Variants in CSGALNACT1 observed in about 807,000 individuals in gnomAD.
The protein encoded by CSGALNACT1 is chondroitin sulfate N-acetylgalactosaminyltransferase 1, also known as beta4GalNAcT-1.
In CSGALNACT1, 52 loss-of-function variants were observed where a neutral mutation model predicts 51.0. That is an observed-to-expected ratio of 1.02 (90% confidence interval 0.82 to 1.29). The LOEUF is 1.29. Ranked by LOEUF, CSGALNACT1 falls within the 50% of genes most tolerant of loss-of-function variation. CSGALNACT1 has a pLI of 0.00. For synonymous variants in CSGALNACT1, 341 were observed against 254.4 expected (o/e 1.34, Z -3.24); for missense variants, 935 against 679.2 (o/e 1.38, Z -4.19).
intron 3 of CSGALNACT1, among the ~76,000 whole-genome samples, chr8:19,518,304 T>C (rs886180011): frequency 1.3e-5 from 2 of 152,158 alleles, no homozygotes; most frequent in East Asian, 3.8e-4. Flanking sequence ...GGAGTTTGCA[T>C]GGATGATTAA....
chr8:19,447,077 C>G (rs925874261), intron 5 of CSGALNACT1, among the ~76,000 whole-genome samples: 1 of 152,180 alleles, frequency 6.6e-6, no homozygotes, highest in African/African-American at 2.4e-5. Context: ...TGAATCTGCA[C>G]GCCTGCCCTG....
chr8:19,613,086 C>T (rs1485395742), intron 1 of CSGALNACT1, among the ~76,000 whole-genome samples: 1 of 143,720 alleles, frequency 7.0e-6, no homozygotes, highest in Non-Finnish European at 1.5e-5. Flanking sequence ...TCCAGAAAAA[C>T]ACTTCTCATG....
At chr8:19,667,043 GAA>G (rs1186297893) in intron 1 of CSGALNACT1, among the ~76,000 whole-genome samples, 1 of 53,860 alleles carries the variant, frequency 1.9e-5, no homozygotes, top group Non-Finnish European at 3.8e-5. Flanking sequence ...AAGGAAGGAA[GAA>G]AGAAAGAAAG....
chr8:19,472,719 G>C (rs1462811224), intron 4 of CSGALNACT1, among the ~76,000 whole-genome samples: 1 of 152,134 alleles, frequency 6.6e-6, no homozygotes, highest in African/African-American at 2.4e-5. Context: ...AGACTGACTT[G>C]AGAATAGAAA....
chr8:19,585,714 G>T (rs1394913224), intron 3 of CSGALNACT1, among the ~76,000 whole-genome samples: 1 of 152,180 alleles, frequency 6.6e-6, no homozygotes, highest in African/African-American at 2.4e-5. Context: ...GTTAGGCCAT[G>T]AGGTGTAAAA....
At chr8:19,448,426 C>A (rs56298301) in intron 5 of CSGALNACT1, among the ~76,000 whole-genome samples, 63,516 of 151,986 alleles carry the variant, frequency 0.42, 14,613 homozygotes, top group East Asian at 0.86. Flanking sequence ...GAGAAAATTT[C>A]TCAGTCCCAA....
intron 3 of CSGALNACT1, 39 bp from the exon 3 acceptor site, chr8:19,506,169 A>T (rs1337899327): frequency 1.9e-6 from 1 of 527,648 alleles, no homozygotes; most frequent in East Asian, 4.7e-5. Context: ...CTTAATCAAG[A>T]CAACGACTCC....
chr8:19,617,633 C>G (rs960171184), intron 1 of CSGALNACT1, among the ~76,000 whole-genome samples: 1 of 152,104 alleles, frequency 6.6e-6, no homozygotes, highest in Non-Finnish European at 1.5e-5. Context: ...TGCCAAGTGC[C>G]CCAGGATAAT....
exon 4 of CSGALNACT1, chr8:19,505,367 C>T (rs2077118580): frequency 6.2e-7 from 1 of 1,614,248 alleles, no homozygotes; most frequent in Non-Finnish European, 8.5e-7. Flanking sequence ...CCAGCTGGTA[C>T]ACCTTCTGTA....
chr8:19,416,158 A>G (rs1356492039), intron 8 of CSGALNACT1, among the ~76,000 whole-genome samples: 1 of 127,482 alleles, frequency 7.8e-6, no homozygotes, highest in African/African-American at 2.9e-5. Flanking sequence ...TCTGTTGCCC[A>G]GGCTGGAGTG....
At chr8:19,446,482 C>A (rs2062136347) in intron 5 of CSGALNACT1, among the ~76,000 whole-genome samples, 2 of 152,084 alleles carry the variant, frequency 1.3e-5, no homozygotes, top group Admixed American at 6.5e-5. Flanking sequence ...TCTGCCTGAA[C>A]CTGGAAGCCT....
intron 3 of CSGALNACT1, among the ~76,000 whole-genome samples, chr8:19,574,921 G>A (rs996672005): frequency 6.6e-6 from 1 of 152,038 alleles, no homozygotes; most frequent in East Asian, 1.9e-4. Flanking sequence ...TGTAGTCTCA[G>A]CTACTCGGGA....
intron 3 of CSGALNACT1, among the ~76,000 whole-genome samples, chr8:19,563,818 C>A (rs1469415159): frequency 2.0e-5 from 3 of 152,166 alleles, no homozygotes; most frequent in Non-Finnish European, 2.9e-5. Context: ...TACAGTCTAG[C>A]CTTCCTTGCG....
At chr8:19,461,970 G>T (rs1227772975) in intron 4 of CSGALNACT1, among the ~76,000 whole-genome samples, 1 of 151,992 alleles carries the variant, frequency 6.6e-6, no homozygotes. Flanking sequence ...ATTCACCATG[G>T]ACAGGATAGC....
At chr8:19,742,312 A>T (rs951673552) in intron 1 of CSGALNACT1, among the ~76,000 whole-genome samples, 1 of 152,202 alleles carries the variant, frequency 6.6e-6, no homozygotes, top group African/African-American at 2.4e-5. Context: ...GTGCCAAACC[A>T]CAGTGCCGTA....
chr8:19,443,823 C>A (rs1029853610), intron 5 of CSGALNACT1, among the ~76,000 whole-genome samples: 2 of 152,208 alleles, frequency 1.3e-5, no homozygotes, highest in South Asian at 2.1e-4. Flanking sequence ...ATATCAGCAG[C>A]CCCCAAATTT....
At chr8:19,621,266 T>C (rs561319915) in intron 1 of CSGALNACT1, among the ~76,000 whole-genome samples, 4 of 152,272 alleles carry the variant, frequency 2.6e-5, no homozygotes, top group African/African-American at 7.2e-5. Context: ...AACAGCCAGA[T>C]TGATGAGGGG....
At chr8:19,749,217 GT>G (rs77653646) in intron 1 of CSGALNACT1, among the ~76,000 whole-genome samples, 3,361 of 139,818 alleles carry the variant, frequency 0.024, 93 homozygotes, top group African/African-American at 0.075. Flanking sequence ...GTCCTTCTGT[GT>G]TTTTTTTTTT....
rs372924056 is a variant in CSGALNACT1, at chr8:19,666,883, A to AAGAGAG, written c.-544+15584_-544+15589dup. ...AAAGAAAGAAAGAAAGAAAGAAAGA[A>AAGAGAG]AGAGAGAGAGGAAGTGAGGAAGGGA... On this transcript the variant is annotated intron_variant, in intron 1 of 9. Coordinates refer to the CSGALNACT1 transcript ENST00000332246. 4.9e-4 allele frequency among the ~76,000 whole-genome samples: 48 copies of AAGAGAG among 97,300 alleles called. 1 individual carries two copies. The highest frequency in any genetic ancestry group is 8.7e-4 in the Non-Finnish European group (41 of 46,866). The allele number at this position is 97,300 out of a possible 152,430, so 63.8% of individuals were successfully genotyped here. A position where few individuals can be genotyped will look rare whatever the true frequency, so the allele number is the denominator to read the frequency against.
Sources: gnomAD v4.1 joint callset for allele counts (sites outside exome capture counted in the v4.1 genomes callset) on GRCh38, gnomAD v4.1.1 for gene constraint, MANE v1.5 for transcripts, NCBI Gene and HGNC (gene_info 2026-07-23, HGNC 2026-07-21) for gene names.